The following SLC12A1 variants were observed in gnomAD, a reference collection of about 807,000 sequenced individuals.
SLC12A1 encodes the protein Na-K-2Cl cotransporter.
A neutral mutation model predicts 130.4 loss-of-function variants in SLC12A1; 89 were observed. The observed-to-expected ratio is 0.68, with a 90% CI of 0.58 to 0.81. The LOEUF is 0.81. Among genes scored for constraint, SLC12A1 ranks in the 40% least tolerant of loss-of-function variants. The pLI is 0.00. For missense variants in SLC12A1, 1,310 were observed against 1,336.4 expected, an observed-to-expected ratio of 0.98 and a Z score of 0.31; for synonymous variants, 499 against 460.0, an observed-to-expected ratio of 1.08 and a Z score of -1.09.
At chr15:48,267,408 G>GA (rs1566848153) in intron 17 of SLC12A1, among the ~76,000 whole-genome samples, 153 bp from the exon 18 acceptor site, 1 of 152,158 alleles carries the variant, frequency 6.6e-6, no homozygotes. Flanking sequence ...CCAAAAGGCT[G>GA]AATCTGTGGA....
At chr15:48,225,918 C>T in intron 4 of SLC12A1, 1 of 984,228 alleles carries the variant, frequency 1.0e-6, no homozygotes, top group Non-Finnish European at 1.2e-6. Context: ...TCCACCTCTG[C>T]TATTGCCACA....
In SLC12A1 at chr15:48,207,740, C is replaced by G; in HGVS notation, c.21C>G (p.Ser7=). The G allele has an allele frequency of 1.3e-6, 2 of 1,586,052 alleles. No homozygotes were observed. The highest frequency in any genetic ancestry group is 3.4e-4 in the Middle Eastern group (2 of 5,910). MSLNNS[S]NVFLDSVPSN... ...GGAAGATGTCACTGAACAACTCTTC[C>G]AATGTATTTCTGGATTCAGTGCCCA... The change falls in exon 2 of 27, where the codon TCC becomes TCG. Residue 7 remains serine (S), a synonymous_variant. Transcript: ENST00000380993.
rs1444532769 is a variant in SLC12A1 at position 48,234,908 on chromosome 15, C to A, written c.1119C>A (p.Arg373=). ...ASIFAENFGP[R]FTKGEGFFSV... ...TATTTGCAGAAAACTTTGGGCCACG[C>A]TTCACAAAGGGTGAAGGCTTCTTCT... The change falls in exon 9 of 27, where the codon CGC becomes CGA. Residue 373 remains arginine, a synonymous_variant. Coordinates refer to ENST00000380993, the MANE Select transcript of SLC12A1 (RefSeq NM_000338.3). The A allele has an allele frequency of 6.2e-7, 1 of 1,613,706 alleles. No individual in the cohort carries two copies. The highest frequency in any genetic ancestry group is 8.5e-7 in the Non-Finnish European group (1 of 1,179,736).
intron 9 of SLC12A1, 59 bp downstream of exon 9, chr15:48,235,063 C>G: frequency 6.4e-7 from 1 of 1,568,574 alleles, no homozygotes; most frequent in Non-Finnish European, 8.8e-7. Flanking sequence ...GTGGGTAGCA[C>G]AAGGAGCTAG....
chr15:48,262,763 T>A (rs1286148458), intron 17 of SLC12A1, among the ~76,000 whole-genome samples: 3 of 152,212 alleles, frequency 2.0e-5, no homozygotes, highest in Admixed American at 2.0e-4. Flanking sequence ...TTTGTACCTA[T>A]CATTTTTATC....
At chr15:48,232,611 G>A (rs1297129309) in intron 7 of SLC12A1, 116 bp from the exon 8 acceptor site, 1 of 735,012 alleles carries the variant, frequency 1.4e-6, no homozygotes, top group Admixed American at 2.0e-5. Context: ...GGGTAGCAGA[G>A]ACTTAACTGA....
rs755386040 is a variant in SLC12A1 at position 48,226,495 on chromosome 15, T to C, written c.648T>C (p.Ile216=). The stretch of plus-strand genomic sequence containing the variant: ...TAACAGGTCTTGGAGTTCTCATAAT[T>C]CTTCTTTCCACCATGGTAACTTCTA... ...EAGIGLGVLI[I]LLSTMVTSIT... is the part of the protein sequence containing the mutation. Residue 216 remains isoleucine (I), a synonymous_variant, in exon 5 of 27, where the codon ATT becomes ATC. Coordinates refer to ENST00000380993, the MANE Select transcript of SLC12A1 (RefSeq NM_000338.3). 6.3e-7 allele frequency: 1 copy of C among 1,598,262 alleles called. No individual in the cohort carries two copies. The highest frequency in any genetic ancestry group is 1.1e-5 in the South Asian group (1 of 87,650).
chr15:48,241,655 C>CACTAGACGTGAACA, intron 10 of SLC12A1, 56 bp downstream of exon 10: 1 of 1,240,150 alleles, frequency 8.1e-7, no homozygotes, highest in Non-Finnish European at 1.2e-6. Context: ...TCCAGTTGTT[C>CACTAGACGTGAACA]ACGTCTAGTG....
Position 48,259,304 on chromosome 15 carries a change from T to C in SLC12A1, c.2147T>C (p.Val716Ala). The C allele has an allele frequency of 6.2e-7, 1 of 1,609,222 alleles. No individual in the cohort carries two copies. Among genetic ancestry groups the C allele is most frequent in the Non-Finnish European group, 8.5e-7 (1 of 1,175,550 alleles). ...AGTGGCCTTTGCATCTGCTGTGAAGTCTTTGTGGTAAGAGCCACTTCACCC... is the reference window on the plus strand; with the variant it reads ...AGTGGCCTTTGCATCTGCTGTGAAGCCTTTGTGGTAAGAGCCACTTCACCC... ...KNSGLCICCE[V>A]FVGPRKLCVK... is the part of the protein sequence containing the mutation. The change falls in exon 17 of 27, where the codon GTC becomes GCC. Residue 716 changes from valine (V) to alanine (A), a missense_variant. Physicochemically the swap from Val to Ala is moderately conservative, Grantham distance 64 (BLOSUM62 0). Coordinates refer to ENST00000380993, the MANE Select transcript of SLC12A1 (RefSeq NM_000338.3).
rs1001001638 is a variant in SLC12A1 at position 48,259,230 on chromosome 15, C to T, written c.2073C>T (p.Pro691=). The T allele has an allele frequency of 2.8e-5, 45 of 1,613,468 alleles. No homozygotes were observed. The highest frequency in any genetic ancestry group is 4.0e-5 in the African/African-American group (3 of 74,886). The change falls in exon 17 of 27, where the codon CCC becomes CCT. Residue 691 remains proline (P), a synonymous_variant. Coordinates refer to ENST00000380993, the MANE Select transcript of SLC12A1 (RefSeq NM_000338.3). ...AGTGCATTGTCTTAACAGGGGGACC[C>T]ATGACAAGACCTGCTCTCCTGGACA... ...RPQCIVLTGG[P]MTRPALLDIT...
Position 48,262,724 on chromosome 15 carries a change from T to C in SLC12A1, c.2154+3413T>C, listed in dbSNP as rs559056987. On this transcript the variant is annotated intron_variant, in intron 17 of 26. Coordinates refer to ENST00000380993, the MANE Select transcript of SLC12A1 (RefSeq NM_000338.3). ...TGACATATTTCTATCCCAATAGGCT[T>C]TATATTAAATATGTGGGTCATTTGT... 3.9e-5 allele frequency among the ~76,000 whole-genome samples: 6 copies of C among 152,334 alleles called. No individual in the cohort carries two copies. In the East Asian group the frequency reaches 1.2e-3, roughly 29 times the overall value.
chr15:48,267,123 A>C (rs2041840174), intron 17 of SLC12A1, among the ~76,000 whole-genome samples: 1 of 152,212 alleles, frequency 6.6e-6, no homozygotes, highest in South Asian at 2.1e-4. Context: ...TTTGCAGGTC[A>C]CCATGTTCTA....
chr15:48,244,786 T>C lies in SLC12A1; in HGVS notation c.1334T>C (p.Met445Thr). 6.2e-7 allele frequency: 1 copy of C among 1,613,908 alleles called. No individual in the cohort carries two copies. Among genetic ancestry groups the C allele is most frequent in the East Asian group, 2.2e-5 (1 of 44,884 alleles). Reference protein sequence around the residue: ...ACVVRDATGNMNDTIISGMNC... With the variant: ...ACVVRDATGNTNDTIISGMNC... ...GTGGTCCGAGATGCCACCGGGAACA[T>C]GAATGACACCATCATTTCTGGGATG... Residue 445 changes from methionine to threonine, a missense_variant, in exon 11 of 27, where the codon ATG (methionine) becomes ACG (threonine). Physicochemically the swap from Met to Thr is moderately conservative, Grantham distance 81. Transcript: ENST00000380993.
intron 15 of SLC12A1, among the ~76,000 whole-genome samples, 193 bp downstream of exon 15, chr15:48,251,963 A>G (rs1362911245): frequency 1.3e-5 from 2 of 152,078 alleles, no homozygotes; most frequent in Admixed American, 6.6e-5. Flanking sequence ...CCAGCACTTT[A>G]GGAGGCTGAG....
At chr15:48,279,961 T>C (rs2041993883) in intron 20 of SLC12A1, among the ~76,000 whole-genome samples, 1 of 152,282 alleles carries the variant, frequency 6.6e-6, no homozygotes, top group East Asian at 1.9e-4. Context: ...ATATGAGCAT[T>C]TACAGCTTTG....
At chr15:48,223,768 G>A (rs1352642225) in intron 4 of SLC12A1, 1 of 152,160 alleles carries the variant, frequency 6.6e-6, no homozygotes, top group South Asian at 2.1e-4. Flanking sequence ...TGATACAGAG[G>A]CACTGCTCAC....
intron 24 of SLC12A1, among the ~76,000 whole-genome samples, chr15:48,297,411 G>A (rs1224016338): frequency 6.6e-6 from 1 of 152,230 alleles, no homozygotes; most frequent in Non-Finnish European, 1.5e-5. Flanking sequence ...AAGACATAGA[G>A]TTGTGCTGAT....
chr15:48,249,209 T>C (rs143718314), intron 13 of SLC12A1, among the ~76,000 whole-genome samples: 17 of 152,224 alleles, frequency 1.1e-4, no homozygotes, highest in African/African-American at 4.1e-4. Flanking sequence ...TTAACTAATA[T>C]CCTGCAGAGC....
At chr15:48,299,489 A>C (rs988776156) in intron 25 of SLC12A1, among the ~76,000 whole-genome samples, 2 of 152,242 alleles carry the variant, frequency 1.3e-5, no homozygotes, top group Non-Finnish European at 2.9e-5. Context: ...ATTATATTTT[A>C]AAAGTTAAAA....
Sources: gnomAD v4.1 joint callset for allele counts (sites outside exome capture counted in the v4.1 genomes callset) on GRCh38, gnomAD v4.1.1 for gene constraint, MANE v1.5 for transcripts, NCBI Gene and HGNC (gene_info 2026-07-23, HGNC 2026-07-21) for gene names.